The following AK4 variants were observed in gnomAD, a reference collection of about 807,000 sequenced individuals.
AK4 encodes adenylate kinase 4, mitochondrial.
Under a neutral mutation model 24.6 loss-of-function variants are expected in AK4, and 13 were observed. The ratio of observed to expected loss-of-function variants is 0.53; its 90% CI spans 0.34 to 0.84. The LOEUF (loss-of-function observed/expected upper bound fraction) is 0.84. Among genes scored for constraint, AK4 ranks in the 40% least tolerant of loss-of-function variants. The probability of loss-of-function intolerance (pLI) is 0.01; values close to 1 mark genes in which losing one functional copy is unlikely to be tolerated. For synonymous variants in AK4, 88 were observed against 107.0 expected (o/e 0.82, Z 1.10); for missense variants, 192 against 288.2 (o/e 0.67, Z 2.42).
intron 2 of AK4, among the ~76,000 whole-genome samples, chr1:65,205,294 A>G (rs1175494933): frequency 1.3e-5 from 2 of 152,154 alleles, no homozygotes; most frequent in Admixed American, 1.3e-4. Context: ...CAAGAGTGCG[A>G]TGGTGCAGTC....
At chr1:65,193,801 G>A (rs1013966882) in intron 2 of AK4, among the ~76,000 whole-genome samples, 7 of 152,212 alleles carry the variant, frequency 4.6e-5, no homozygotes, top group South Asian at 2.1e-4. Flanking sequence ...ATGGAGGCCC[G>A]ACTGTATTTA....
At chr1:65,148,593 T>A in intron 1 of AK4, 41 bp downstream of exon 1, 5 of 1,556,628 alleles carry the variant, frequency 3.2e-6, no homozygotes, top group Non-Finnish European at 3.5e-6. Flanking sequence ...CGAGCCGCGT[T>A]GGGCTGGGGT....
intron 1 of AK4, among the ~76,000 whole-genome samples, chr1:65,165,295 C>T (rs1215963670): frequency 6.6e-6 from 1 of 151,990 alleles, no homozygotes; most frequent in Admixed American, 6.6e-5. Flanking sequence ...GCATTAGAAC[C>T]GAGCCTTGAA....
intron 1 of AK4, among the ~76,000 whole-genome samples, chr1:65,148,811 G>A (rs536034436): frequency 2.6e-5 from 4 of 152,044 alleles, no homozygotes; most frequent in Non-Finnish European, 5.9e-5. Flanking sequence ...GGAATAGCCC[G>A]AGCCACCCGG....
chr1:65,148,201 T>G, upstream of AK4: 1 of 1,098,466 alleles, frequency 9.1e-7, no homozygotes, highest in Non-Finnish European at 1.2e-6. Context: ...AGCGTGGCGC[T>G]CAGTCCGCCT....
chr1:65,147,838 G>C (rs1019032308), upstream of AK4: 9 of 152,430 alleles, frequency 5.9e-5, no homozygotes, highest in Admixed American at 3.9e-4. Flanking sequence ...ACAGCCGCCG[G>C]GGAGGGGACG....
At chr1:65,152,385 T>TA (rs1570055740) in intron 1 of AK4, among the ~76,000 whole-genome samples, 5 of 20,656 alleles carry the variant, frequency 2.4e-4, no homozygotes, top group Non-Finnish European at 3.3e-4. Flanking sequence ...TATATATATA[T>TA]TTTTTTTTTT....
chr1:65,168,097 T>C (rs1320916397), intron 1 of AK4, among the ~76,000 whole-genome samples: 1 of 152,100 alleles, frequency 6.6e-6, no homozygotes, highest in South Asian at 2.1e-4. Flanking sequence ...TAACAACTGG[T>C]TAAGTGTGGT....
rs139131594 is a variant in AK4, at chr1:65,224,090, A to G, written c.439-662A>G. ...ATTGAGAAAGAAGCAACACATAGGA[A>G]AAGCTAAAATAAAGGATTTAACAAA... On this transcript the variant is annotated intron_variant, in intron 3 of 4. Transcript: ENST00000327299. Among the ~76,000 whole-genome samples, 41 of 152,330 alleles carry G rather than the reference A, an allele frequency of 2.7e-4. 1 individual carries two copies. Among genetic ancestry groups the G allele is most frequent in the South Asian group, 4.1e-4 (2 of 4,826 alleles).
chr1:65,210,136 C>G (rs1390521126), intron 2 of AK4, among the ~76,000 whole-genome samples: 1 of 152,184 alleles, frequency 6.6e-6, no homozygotes, highest in Non-Finnish European at 1.5e-5. Context: ...TGAATAAATA[C>G]TACTACTTAC....
intron 1 of AK4, among the ~76,000 whole-genome samples, chr1:65,172,101 A>T (rs1215177884): frequency 2.2e-4 from 24 of 110,814 alleles, no homozygotes; most frequent in East Asian, 1.4e-3. Context: ...ATATATATAT[A>T]TATTTAAACT....
chr1:65,166,310 C>CTGTGTGTGTGTGTGTGTGTGTG (rs34870729), intron 1 of AK4, among the ~76,000 whole-genome samples: 2 of 143,008 alleles, frequency 1.4e-5, no homozygotes, highest in Non-Finnish European at 3.1e-5. Flanking sequence ...GGGATTTAAG[C>CTGTGTGTGTGTGTGTGTGTGTG]TGTGTGTGTG....
In AK4 at chr1:65,224,787, G is replaced by T; in HGVS notation, c.474G>T (p.Gln158His). 6.2e-7 allele frequency: 1 copy of T among 1,613,594 alleles called. No homozygotes were observed. Among genetic ancestry groups the T allele is most frequent in the South Asian group, 1.1e-5 (1 of 91,046 alleles). Reference sequence around the variant, plus strand: ...ACGTCACTGGTGAACCGTTAGTCCAGCAGGAGGATGATAAACCCGAAGCAG... The same window carrying T: ...ACGTCACTGGTGAACCGTTAGTCCATCAGGAGGATGATAAACCCGAAGCAG... ...IDDVTGEPLV[Q>H]QEDDKPEAVA... Residue 158 changes from glutamine to histidine, a missense_variant, in exon 4 of 5, where the codon CAG (glutamine) becomes CAT (histidine). Gln to His is a conservative substitution (Grantham distance 24). Transcript: ENST00000327299.
At chr1:65,210,152 A>G (rs1651927209) in intron 2 of AK4, among the ~76,000 whole-genome samples, 2 of 152,190 alleles carry the variant, frequency 1.3e-5, no homozygotes, top group African/African-American at 4.8e-5. Flanking sequence ...CTTACTTGGT[A>G]GAGCACTTGC....
chr1:65,163,995 C>T (rs1047119259), intron 1 of AK4, among the ~76,000 whole-genome samples: 4 of 152,050 alleles, frequency 2.6e-5, no homozygotes, highest in Admixed American at 6.6e-5. Flanking sequence ...ATCTCAAGAA[C>T]TGATCTTAGA....
chr1:65,188,432 C>T (rs957051353), intron 1 of AK4, among the ~76,000 whole-genome samples: 1 of 152,000 alleles, frequency 6.6e-6, no homozygotes, highest in Non-Finnish European at 1.5e-5. Context: ...TCAAATGATT[C>T]TTGAGCCTTT....
intron 2 of AK4, among the ~76,000 whole-genome samples, chr1:65,191,291 A>G (rs1193875174): frequency 6.6e-6 from 1 of 152,238 alleles, no homozygotes; most frequent in Non-Finnish European, 1.5e-5. Flanking sequence ...AGCAGTTAGC[A>G]TTATATATAC....
chr1:65,152,249 T>C (rs2100976838), intron 1 of AK4, among the ~76,000 whole-genome samples: 1 of 150,512 alleles, frequency 6.6e-6, no homozygotes, highest in African/African-American at 2.4e-5. Flanking sequence ...CACATCTCCA[T>C]TTGGAAGCAT....
chr1:65,194,993 G>A (rs1390401092), intron 2 of AK4, among the ~76,000 whole-genome samples: 1 of 152,148 alleles, frequency 6.6e-6, no homozygotes, highest in Non-Finnish European at 1.5e-5. Flanking sequence ...TTTTGTCTTA[G>A]TCTGTTTTGT....
Sources: allele counts gnomAD v4.1 joint callset (sites outside exome capture counted in the v4.1 genomes callset), GRCh38; gene constraint gnomAD v4.1.1; transcripts MANE v1.5; gene names NCBI Gene and HGNC (gene_info 2026-07-23, HGNC 2026-07-21).